LSAMP: variants seen among roughly 807,000 people sequenced by gnomAD.
LSAMP encodes limbic system-associated membrane protein.
In LSAMP, 7 loss-of-function variants were observed where a neutral mutation model predicts 38.6. The observed-to-expected ratio is 0.18, with a 90% confidence interval of 0.10 to 0.34. The LOEUF (loss-of-function observed/expected upper bound fraction) is 0.34, where lower values mean the gene tolerates loss of function less well. LSAMP is among the 10% of genes least tolerant of loss of function. The probability of loss-of-function intolerance (pLI) is 1.00; values close to 1 mark genes in which losing one functional copy is unlikely to be tolerated. For synonymous variants in LSAMP, 154 were observed against 166.8 expected (o/e 0.92, Z 0.59); for missense variants, 313 against 420.0 (o/e 0.75, Z 2.23).
At chr3:115,864,503 T>C (rs1267643615) in intron 3 of LSAMP, among the ~76,000 whole-genome samples, 3 of 152,214 alleles carry the variant, frequency 2.0e-5, no homozygotes, top group Non-Finnish European at 2.9e-5. Flanking sequence ...CTGCGTATTC[T>C]GAGAACAAGC....
chr3:116,163,575 C>A (rs993314964), intron 1 of LSAMP, among the ~76,000 whole-genome samples: 5 of 151,544 alleles, frequency 3.3e-5, no homozygotes, highest in Admixed American at 1.3e-4. Flanking sequence ...ATTTATAATC[C>A]TTTGGGGTAT....
chr3:116,342,704 G>T (rs2048012353), intron 1 of LSAMP, among the ~76,000 whole-genome samples: 1 of 152,030 alleles, frequency 6.6e-6, no homozygotes, highest in Non-Finnish European at 1.5e-5. Flanking sequence ...TAGATATTTG[G>T]GGTTTTCCAT....
intron 1 of LSAMP, among the ~76,000 whole-genome samples, chr3:116,354,843 A>ATGTGTGTG (rs776649270): frequency 8.6e-5 from 9 of 104,280 alleles, no homozygotes; most frequent in Non-Finnish European, 1.2e-4. Context: ...CTGGGTGTAT[A>ATGTGTGTG]TATGTGTGTG....
At chr3:115,861,152 TC>T (rs1559855483) in intron 3 of LSAMP, among the ~76,000 whole-genome samples, 2 of 63,626 alleles carry the variant, frequency 3.1e-5, no homozygotes, top group African/African-American at 1.5e-4. Flanking sequence ...CTTCCTTCCT[TC>T]CTTCCTTCCT....
At position 116,010,956 on chromosome 3, in the gene LSAMP, C is replaced by G. The variant is rs1451382634; in HGVS notation, c.514+8559G>C. 2.0e-5 allele frequency among the ~76,000 whole-genome samples: 3 copies of G among 152,194 alleles called. No individual in the cohort carries two copies. The East Asian group carries it at 5.8e-4, about 29-fold the overall frequency. Reference sequence around the variant, plus strand: ...ATAACTTGGTTGATTGATTGAACACCTGTAATATGCCAATTAATATCTTGA... The same window carrying G: ...ATAACTTGGTTGATTGATTGAACACGTGTAATATGCCAATTAATATCTTGA... On this transcript the variant is annotated intron_variant, in intron 3 of 6. Coordinates refer to ENST00000490035, the MANE Select transcript of LSAMP (RefSeq NM_002338.5).
intron 1 of LSAMP, among the ~76,000 whole-genome samples, chr3:116,111,757 C>T (rs563165413): frequency 2.2e-4 from 34 of 152,256 alleles, no homozygotes; most frequent in Middle Eastern, 3.4e-3. Context: ...GCTAATGACA[C>T]TTATTCCGTT....
At chr3:115,866,872 G>T (rs1935875932) in intron 3 of LSAMP, among the ~76,000 whole-genome samples, 1 of 152,090 alleles carries the variant, frequency 6.6e-6, no homozygotes, top group South Asian at 2.1e-4. Flanking sequence ...AATGCAAGTG[G>T]TTATACCTTT....
intron 3 of LSAMP, among the ~76,000 whole-genome samples, chr3:115,928,833 G>A (rs1937530320): frequency 6.6e-6 from 1 of 152,084 alleles, no homozygotes. Flanking sequence ...GAGAAAATGG[G>A]AATTCTGAGG....
intron 1 of LSAMP, among the ~76,000 whole-genome samples, chr3:116,147,444 CTAAT>C (rs1368080960): frequency 6.6e-6 from 1 of 151,888 alleles, no homozygotes; most frequent in African/African-American, 2.4e-5. Context: ...CTCCATTCTT[CTAAT>C]TAATAGTCTT....
At chr3:116,254,201 A>G (rs758913487) in intron 1 of LSAMP, among the ~76,000 whole-genome samples, 22 of 152,160 alleles carry the variant, frequency 1.4e-4, no homozygotes, top group Non-Finnish European at 2.4e-4. Flanking sequence ...TGTTGATTAA[A>G]AAAAGCTTCT....
At chr3:116,199,048 C>A (rs2045952724) in intron 1 of LSAMP, among the ~76,000 whole-genome samples, 1 of 151,906 alleles carries the variant, frequency 6.6e-6, no homozygotes, top group African/African-American at 2.4e-5. Flanking sequence ...TGTGTCACTG[C>A]ACTATAGCCT....
At chr3:116,299,587 G>T (rs1386576845) in intron 1 of LSAMP, among the ~76,000 whole-genome samples, 1 of 152,108 alleles carries the variant, frequency 6.6e-6, no homozygotes, top group African/African-American at 2.4e-5. Context: ...GAAGTTTCTG[G>T]GTATATAGAT....
intron 1 of LSAMP, among the ~76,000 whole-genome samples, chr3:116,194,279 G>A (rs1710824208): frequency 1.3e-5 from 2 of 152,154 alleles, no homozygotes; most frequent in Admixed American, 6.5e-5. Context: ...GAGCAATATA[G>A]GCAGCGGAAG....
At chr3:116,062,480 C>A (rs1173367703) in intron 2 of LSAMP, among the ~76,000 whole-genome samples, 2 of 152,072 alleles carry the variant, frequency 1.3e-5, no homozygotes, top group African/African-American at 2.4e-5. Flanking sequence ...TGTGCCACTG[C>A]ACTCCAACTT....
At chr3:116,132,304 C>T (rs1709152877) in intron 1 of LSAMP, among the ~76,000 whole-genome samples, 1 of 151,802 alleles carries the variant, frequency 6.6e-6, no homozygotes, top group South Asian at 2.1e-4. Flanking sequence ...AGACAAGCAT[C>T]TTTAACCTGG....
At position 116,156,739 on chromosome 3, in the gene LSAMP, C is replaced by G. The variant is rs531974771; in HGVS notation, c.156-70183G>C. Among the ~76,000 whole-genome samples, 10 of 152,068 alleles carry G rather than the reference C, an allele frequency of 6.6e-5. No homozygotes were observed. In the East Asian group the frequency reaches 1.9e-3, roughly 30 times the overall value. On this transcript the variant is annotated intron_variant, in intron 1 of 6. Coordinates refer to ENST00000490035, the MANE Select transcript of LSAMP (RefSeq NM_002338.5). ...ACCAGTATGATGAGATGACACAATA[C>G]CATACCTGAAATGAAATGGTTTACA... is the stretch of plus-strand genomic sequence containing the variant.
chr3:116,152,575 TG>T (rs1709637085), intron 1 of LSAMP, among the ~76,000 whole-genome samples: 1 of 152,142 alleles, frequency 6.6e-6, no homozygotes, highest in Non-Finnish European at 1.5e-5. Context: ...GGACATTTAT[TG>T]TAACAATTAA....
chr3:116,291,779 C>G (rs2047270798), intron 1 of LSAMP, among the ~76,000 whole-genome samples: 2 of 152,108 alleles, frequency 1.3e-5, no homozygotes, highest in African/African-American at 4.8e-5. Flanking sequence ...GGCAGTGACC[C>G]CCATTTGTAA....
At chr3:116,161,418 T>A (rs1453764642) in intron 1 of LSAMP, among the ~76,000 whole-genome samples, 1 of 152,206 alleles carries the variant, frequency 6.6e-6, no homozygotes, top group Non-Finnish European at 1.5e-5. Flanking sequence ...AAATGTGCCA[T>A]CTGTGGTTAA....
Sources: gnomAD v4.1 joint callset for allele counts (sites outside exome capture counted in the v4.1 genomes callset) on GRCh38, gnomAD v4.1.1 for gene constraint, MANE v1.5 for transcripts, NCBI Gene and HGNC (gene_info 2026-07-23, HGNC 2026-07-21) for gene names.